The following DAGLB variants were observed in gnomAD, a reference collection of about 807,000 sequenced individuals.
The protein encoded by DAGLB is diacylglycerol lipase-beta.
In DAGLB, 66 loss-of-function variants were observed where a neutral mutation model predicts 72.1. The observed-to-expected ratio is 0.92, with a 90% CI of 0.75 to 1.12. DAGLB has a LOEUF of 1.12. DAGLB is among the 50% of genes most tolerant of loss of function. DAGLB has a pLI of 0.00. For missense variants in DAGLB, 1,065 were observed against 884.9 expected (o/e 1.20, Z -2.58); for synonymous variants, 414 against 359.5 (o/e 1.15, Z -1.71).
chr7:6,439,592 T>C (rs1784764432), intron 2 of DAGLB, among the ~76,000 whole-genome samples: 1 of 152,164 alleles, frequency 6.6e-6, no homozygotes, highest in Non-Finnish European at 1.5e-5. Context: ...ACAGAGGAGA[T>C]ACAAGGAGGC....
intron 7 of DAGLB, among the ~76,000 whole-genome samples, chr7:6,425,694 C>T (rs986384211): frequency 2.6e-5 from 4 of 152,114 alleles, no homozygotes; most frequent in African/African-American, 9.7e-5. Context: ...GAAGGCCATG[C>T]GGCATTAATA....
intron 8 of DAGLB, 120 bp downstream of exon 8, chr7:6,424,632 T>A: frequency 1.1e-6 from 1 of 924,436 alleles, no homozygotes. Flanking sequence ...CCTCATTTTC[T>A]GTCCTCACCA....
chr7:6,417,006 A>G (rs1783940106), intron 9 of DAGLB, 85 bp from the exon 10 acceptor site: 5 of 1,450,252 alleles, frequency 3.4e-6, no homozygotes, highest in East Asian at 4.7e-5. Context: ...GACGCTGTGC[A>G]CTGATGTGTG....
rs10267075 is a variant in DAGLB at position 6,436,124 on chromosome 7, T to C, written c.419+238A>G. Among the ~76,000 whole-genome samples the C allele has an allele frequency of 8.5e-3, 1,286 of 151,200 alleles. 25 individuals carry two copies. Among genetic ancestry groups the C allele is most frequent in the African/African-American group, 0.03 (1,221 of 41,272 alleles). On this transcript the variant is annotated intron_variant, in intron 3 of 14. Transcript: ENST00000297056. ...AAAGAGAGAGAGACAGAAGGGAATG[T>C]AGAAAATAAAGAACCAGTAAGGAAA...
chr7:6,410,513 A>G (rs1783686768), intron 13 of DAGLB, 133 bp from the exon 14 acceptor site: 1 of 1,349,586 alleles, frequency 7.4e-7, no homozygotes, highest in Non-Finnish European at 9.9e-7. Flanking sequence ...GACTCCAGCA[A>G]AGATGCACCG....
chr7:6,424,301 G>A (rs1388672954), intron 8 of DAGLB, among the ~76,000 whole-genome samples: 6 of 152,196 alleles, frequency 3.9e-5, no homozygotes, highest in African/African-American at 1.4e-4. Flanking sequence ...CCTGGAGAAC[G>A]GCAGGCCACG....
chr7:6,428,873 C>T (rs1334974098), intron 6 of DAGLB, among the ~76,000 whole-genome samples: 2 of 152,130 alleles, frequency 1.3e-5, no homozygotes, highest in Admixed American at 1.3e-4. Context: ...GGTGCAACCC[C>T]AGCTCACTGC....
chr7:6,430,250 C>CATATACATAT (rs1491373912), intron 6 of DAGLB, among the ~76,000 whole-genome samples: 5 of 45,738 alleles, frequency 1.1e-4, no homozygotes, highest in African/African-American at 5.2e-4. Flanking sequence ...AATACATGTG[C>CATATACATAT]ATATATATAT....
intron 2 of DAGLB, among the ~76,000 whole-genome samples, chr7:6,436,875 G>A (rs528858543): frequency 3.9e-5 from 6 of 152,062 alleles, no homozygotes; most frequent in Non-Finnish European, 5.9e-5. Flanking sequence ...GGCCGGGCAC[G>A]GTGACTCACA....
At chr7:6,419,893 G>T (rs1784050753) in intron 9 of DAGLB, among the ~76,000 whole-genome samples, 3 of 152,232 alleles carry the variant, frequency 2.0e-5, no homozygotes, top group South Asian at 4.1e-4. Context: ...TGCAATCCCA[G>T]CACTTTGGGA....
At position 6,446,042 on chromosome 7, in the gene DAGLB, G is replaced by C. The variant is rs748538522; in HGVS notation, c.158C>G (p.Ala53Gly). 1.2e-6 allele frequency: 2 copies of C among 1,613,472 alleles called. No homozygotes were observed. Among genetic ancestry groups the C allele is most frequent in the African/African-American group, 1.3e-5 (1 of 74,762 alleles). ...HRGKLDCAGG[A>G]LLSSYLIVLM... ...GACGATCAAGTAACTGCTGAGCAAGGCTCCACCAGCACAGTCCAGCTTTCC... is the reference window on the plus strand; with the variant it reads ...GACGATCAAGTAACTGCTGAGCAAGCCTCCACCAGCACAGTCCAGCTTTCC... The change falls in exon 2 of 15, where the codon GCC (alanine) becomes GGC (glycine). Residue 53 changes from alanine to glycine, a missense_variant. Physicochemically the swap from Ala to Gly is moderately conservative, Grantham distance 60. Transcript: ENST00000297056.
intron 2 of DAGLB, among the ~76,000 whole-genome samples, chr7:6,442,891 A>G (rs1784875353): frequency 6.6e-6 from 1 of 151,978 alleles, no homozygotes; most frequent in Non-Finnish European, 1.5e-5. Flanking sequence ...TGTCTCTACT[A>G]GACCAGGTGC....
At chr7:6,447,638 T>G in intron 1 of DAGLB, 110 bp downstream of exon 1, 1 of 1,422,478 alleles carries the variant, frequency 7.0e-7, no homozygotes, top group South Asian at 1.4e-5. Flanking sequence ...TGGCCAGCGC[T>G]GGGACCGCGA....
chr7:6,416,891 G>C lies in DAGLB; in HGVS notation c.1249C>G (p.Gln417Glu). Residue 417 changes from glutamine (Q) to glutamate (E), a missense_variant, in exon 10 of 15, where the codon CAA (glutamine) becomes GAA (glutamate). Gln to Glu is a conservative substitution (Grantham distance 29). Transcript: ENST00000297056. ...GISQAARYVY[Q>E]RLINDGILSQ... is the part of the protein sequence containing the mutation. ...AAAATCCCGTCGTTGATGAGTCGTT[G>C]GTAAACGTATCTGGCAGCTTGAGAA... is the stretch of plus-strand genomic sequence containing the variant. The C allele has an allele frequency of 1.2e-6, 2 of 1,614,196 alleles. No homozygotes were observed. The highest frequency in any genetic ancestry group is 2.7e-5 in the African/African-American group (2 of 75,048).
At position 6,445,969 on chromosome 7, in the gene DAGLB, C is replaced by T; in HGVS notation, c.231G>A (p.Met77Ile). 4 of 1,602,280 alleles carry T rather than the reference C, an allele frequency of 2.5e-6. No individual in the cohort carries two copies. Among genetic ancestry groups the T allele is most frequent in the Non-Finnish European group, 3.4e-6 (4 of 1,176,438 alleles). Residue 77 changes from methionine (M) to isoleucine (I), a missense_variant, in exon 2 of 15, where the codon ATG becomes ATA. Met to Ile is a conservative substitution (Grantham distance 10). Transcript: ENST00000297056. ...AVVICTVSAI[M>I]CVSMRGTICN... ...ACTTTTTACCTCTCATGCTGACACA[C>T]ATGATGGCTGACACAGTACATATGA...
At position 6,410,363 on chromosome 7, in the gene DAGLB, G is replaced by T; in HGVS notation, c.1587C>A (p.His529Gln). The T allele has an allele frequency of 6.2e-7, 1 of 1,612,788 alleles. No homozygotes were observed. Residue 529 changes from histidine to glutamine, a missense_variant, in exon 14 of 15, where the codon CAC becomes CAA. His to Gln is a conservative substitution (Grantham distance 24). Transcript: ENST00000297056. The part of the protein sequence containing the change: ...CNKPKYKILL[H>Q]GLWYELFGGN... Reference sequence around the variant, plus strand: ...CTCCAAACAGTTCGTACCACAAACCGTGCAGCAAGATCTTGTACTGAGGGC... The same window carrying T: ...CTCCAAACAGTTCGTACCACAAACCTTGCAGCAAGATCTTGTACTGAGGGC...
At chr7:6,425,670 C>T (rs775516192) in intron 7 of DAGLB, among the ~76,000 whole-genome samples, 4 of 152,112 alleles carry the variant, frequency 2.6e-5, no homozygotes, top group South Asian at 2.1e-4. Flanking sequence ...CCCAGGACGA[C>T]GATACGAATC....
At chr7:6,413,235 CAG>C (rs1783792712) in intron 11 of DAGLB, among the ~76,000 whole-genome samples, 1 of 152,182 alleles carries the variant, frequency 6.6e-6, no homozygotes, top group Non-Finnish European at 1.5e-5. Flanking sequence ...ATGTGTTCAA[CAG>C]AGACGCCCCG....
chr7:6,430,715 T>C lies in DAGLB; in HGVS notation c.802-108A>G, dbSNP rs547853699. On this transcript the variant is annotated intron_variant, in intron 5 of 14. Transcript: ENST00000297056. ...CTCATTCCTGACTCTTCCTGCTCCTTCGTTGAATAGAACTCTCAGACGCCC... is the reference window on the plus strand; with the variant it reads ...CTCATTCCTGACTCTTCCTGCTCCTCCGTTGAATAGAACTCTCAGACGCCC... 101 of 1,245,658 alleles carry C rather than the reference T, an allele frequency of 8.1e-5. 3 individuals are homozygous for C. In the South Asian group the frequency reaches 1.1e-3, roughly 13 times the overall value. 77.2% of individuals were successfully genotyped at this position (1,245,658 alleles called of 1,614,324 possible).
Sources: gnomAD v4.1 joint callset for allele counts (sites outside exome capture counted in the v4.1 genomes callset) on GRCh38, gnomAD v4.1.1 for gene constraint, MANE v1.5 for transcripts, NCBI Gene and HGNC (gene_info 2026-07-23, HGNC 2026-07-21) for gene names.